The following OR7A10 variants were observed in gnomAD, a reference collection of about 807,000 sequenced individuals.
OR7A10 encodes the protein olfactory receptor 7A10.
For synonymous variants in OR7A10, 144 were observed against 144.5 expected (o/e 1.00, Z 0.02); for missense variants, 358 against 370.1 (o/e 0.97, Z 0.27).
At chr19:14,845,352 G>C (rs1481299505) in intron 1 of OR7A10, among the ~76,000 whole-genome samples, 1 of 152,000 alleles carries the variant, frequency 6.6e-6, no homozygotes, top group Non-Finnish European at 1.5e-5. Context: ...GTGGGCGCCT[G>C]TAATCCCAGC....
In OR7A10 at chr19:14,840,956, T is replaced by G; in HGVS notation, c.922A>C (p.Lys308Gln). ...KGAMKTFFRGKQ is the reference protein window; with the variant it reads ...KGAMKTFFRGQQ Reference sequence around the variant, plus strand: ...CTTGAAAAATAGCCTTTCTATTGCTTTCCTCTGAAGAATGTTTTCATAGCA... The same window carrying G: ...CTTGAAAAATAGCCTTTCTATTGCTGTCCTCTGAAGAATGTTTTCATAGCA... Residue 308 changes from lysine (K) to glutamine (Q), a missense_variant, in exon 2 of 2, where the codon AAG becomes CAG. Lys to Gln is a moderately conservative substitution (Grantham distance 53, BLOSUM62 1). Coordinates refer to ENST00000641129, the MANE Select transcript of OR7A10 (RefSeq NM_001005190.2). 1 of 1,604,256 alleles carries G rather than the reference T, an allele frequency of 6.2e-7. No homozygotes were observed.
In OR7A10 at chr19:14,841,741, A is replaced by G. The variant is rs200347289; in HGVS notation, c.137T>C (p.Ile46Thr). The G allele has an allele frequency of 6.2e-7, 1 of 1,614,136 alleles. No individual in the cohort carries two copies. Among genetic ancestry groups the G allele is most frequent in the South Asian group, 1.1e-5 (1 of 91,080 alleles). ...LVTVLGNLLI[I>T]LATISDSHLH... ...GTGGGAGTCTGAGATTGTGGCCAGGATGATGAGCAGGTTCCCGAGCACAGT... is the reference window on the plus strand; with the variant it reads ...GTGGGAGTCTGAGATTGTGGCCAGGGTGATGAGCAGGTTCCCGAGCACAGT... The change falls in exon 2 of 2, where the codon ATC becomes ACC. Residue 46 changes from isoleucine to threonine, a missense_variant. Coordinates refer to ENST00000641129, the MANE Select transcript of OR7A10 (RefSeq NM_001005190.2).
chr19:14,840,993 T>C lies in OR7A10; in HGVS notation c.885A>G (p.Lys295=), dbSNP rs1286463290. ...LNPFIYSLRN[K]HIKGAMKTFF... is the part of the protein sequence containing the mutation. The stretch of plus-strand genomic sequence containing the variant: ...ATGTTTTCATAGCACCCTTTATGTG[T>C]TTATTCCTCAGACTGTAGATGAAGG... Residue 295 remains lysine (K), a synonymous_variant, in exon 2 of 2, where the codon AAA becomes AAG. Coordinates refer to ENST00000641129, the MANE Select transcript of OR7A10 (RefSeq NM_001005190.2). 3 of 1,613,772 alleles carry C rather than the reference T, an allele frequency of 1.9e-6. No homozygotes were observed. The African/African-American group carries it at 4.0e-5, about 22-fold the overall frequency.
chr19:14,841,385 G>A lies in OR7A10; in HGVS notation c.493C>T (p.Pro165Ser). 1 of 1,614,118 alleles carries A rather than the reference G, an allele frequency of 6.2e-7. No individual in the cohort carries two copies. The highest frequency in any genetic ancestry group is 8.5e-7 in the Non-Finnish European group (1 of 1,179,998). ...NSMLQSLMVL[P>S]LPFCTHMEIP... ...TCCATGTGTGTACAAAAGGGCAGTG[G>A]CAACACCATTAAGCTTTGTAACATG... Residue 165 changes from proline to serine, a missense_variant, in exon 2 of 2, where the codon CCA becomes TCA. By Grantham distance (74) the Pro-to-Ser change is moderately conservative. Coordinates refer to ENST00000641129, the MANE Select transcript of OR7A10 (RefSeq NM_001005190.2).
chr19:14,845,586 C>T (rs1218770099), intron 1 of OR7A10, among the ~76,000 whole-genome samples: 1 of 152,116 alleles, frequency 6.6e-6, no homozygotes, highest in Non-Finnish European at 1.5e-5. Flanking sequence ...TGGGAAAAAA[C>T]TTAAGGAGCT....
At chr19:14,842,499 C>T (rs1020308297) in intron 1 of OR7A10, among the ~76,000 whole-genome samples, 1 of 152,216 alleles carries the variant, frequency 6.6e-6, no homozygotes, top group Non-Finnish European at 1.5e-5. Context: ...GATCCGCCTG[C>T]CTCAGCCTCC....
chr19:14,847,905 A>G (rs1385544102), intron 1 of OR7A10, among the ~76,000 whole-genome samples: 1 of 151,718 alleles, frequency 6.6e-6, no homozygotes, highest in Non-Finnish European at 1.5e-5. Context: ...TGGGTGGATC[A>G]CGAGGTTAAG....
intron 1 of OR7A10, among the ~76,000 whole-genome samples, chr19:14,842,494 G>C (rs192149604): frequency 2.0e-5 from 3 of 152,138 alleles, no homozygotes; most frequent in African/African-American, 7.2e-5. Flanking sequence ...CAGGTGATCC[G>C]CCTGCCTCAG....
chr19:14,840,758 T>C lies in OR7A10; in HGVS notation c.*190A>G. The C allele has an allele frequency of 2.1e-6, 1 of 480,702 alleles. No individual in the cohort carries two copies. The allele number at this position is 480,702 out of a possible 1,614,324, so 29.8% of individuals were successfully genotyped here. ...ATTGAAAATTATATTCCGTCATATTTAAGGTCATCTCTGACTCTAAGAAGA... is the reference window on the plus strand; with the variant it reads ...ATTGAAAATTATATTCCGTCATATTCAAGGTCATCTCTGACTCTAAGAAGA... On this transcript the variant is annotated 3_prime_UTR_variant, in exon 2 of 2. Coordinates refer to ENST00000641129, the MANE Select transcript of OR7A10 (RefSeq NM_001005190.2).
At position 14,841,899 on chromosome 19, in the gene OR7A10, A is replaced by AG. The variant is rs750969602; in HGVS notation, c.-12-11dup. On this transcript the variant is annotated splice_polypyrimidine_tract_variant and intron_variant, in intron 1 of 1. Coordinates refer to ENST00000641129, the MANE Select transcript of OR7A10 (RefSeq NM_001005190.2). ...TCATCTTGTGATGTGACTACCAGAGAGAGAGAGAGAGAGAGAGAGAGAGTG... is the reference window on the plus strand; with the variant it reads ...TCATCTTGTGATGTGACTACCAGAGAGGAGAGAGAGAGAGAGAGAGAGAGTG... The AG allele has an allele frequency of 4.4e-6, 6 of 1,354,732 alleles. No individual in the cohort carries two copies. In the African/African-American group the frequency reaches 8.8e-5, roughly 20 times the overall value. 83.9% of individuals were successfully genotyped at this position (1,354,732 alleles called of 1,614,324 possible). A position where few individuals can be genotyped will look rare whatever the true frequency, so the allele number is the denominator to read the frequency against.
At position 14,848,871 on chromosome 19, in the gene OR7A10, G is replaced by A. The variant is rs895464370; in HGVS notation, c.-384C>T. 2 of 152,152 alleles carry A rather than the reference G, an allele frequency of 1.3e-5. No homozygotes were observed. The highest frequency in any genetic ancestry group is 4.8e-5 in the African/African-American group (2 of 41,426). 9.4% of individuals were successfully genotyped at this position (152,152 alleles called of 1,614,324 possible). ...CATCAGATTAAACATCAGGCGAATC[G>A]AGTCGTTATTATTCCTTCTCCATGG... On this transcript the variant is annotated 5_prime_UTR_variant, in exon 1 of 2. Coordinates refer to ENST00000641129, the MANE Select transcript of OR7A10 (RefSeq NM_001005190.2).
rs1337370249 is a variant in OR7A10 at position 14,848,688 on chromosome 19, A to G, written c.-201T>C. 1 of 152,250 alleles carries G rather than the reference A, an allele frequency of 6.6e-6. No individual in the cohort carries two copies. Among genetic ancestry groups the G allele is most frequent in the South Asian group, 2.1e-4 (1 of 4,828 alleles). 9.4% of individuals were successfully genotyped at this position (152,250 alleles called of 1,614,324 possible). A position where few individuals can be genotyped will look rare whatever the true frequency, so the allele number is the denominator to read the frequency against. ...TGTCCCATCCAGCCCAAGGTTGCAT[A>G]TGCTGAGGGACACCTGCAGCGGAGA... is the stretch of plus-strand genomic sequence containing the variant. On this transcript the variant is annotated 5_prime_UTR_variant, in exon 1 of 2. Transcript: ENST00000641129.
chr19:14,843,628 T>C (rs551240928), intron 1 of OR7A10, among the ~76,000 whole-genome samples: 1 of 152,328 alleles, frequency 6.6e-6, no homozygotes, highest in South Asian at 2.1e-4. Flanking sequence ...CCCCTTGCCA[T>C]CTCTGAATTC....
At chr19:14,846,086 G>A (rs1354195227) in intron 1 of OR7A10, among the ~76,000 whole-genome samples, 2 of 152,056 alleles carry the variant, frequency 1.3e-5, no homozygotes, top group South Asian at 2.1e-4. Flanking sequence ...CCCGGGAGGC[G>A]GAGGTTGCAG....
Position 14,840,644 on chromosome 19 carries a change from C to G in OR7A10, c.*304G>C, listed in dbSNP as rs1340436430. 4 of 214,666 alleles carry G rather than the reference C, an allele frequency of 1.9e-5. No individual in the cohort carries two copies. The highest frequency in any genetic ancestry group is 2.8e-5 in the Non-Finnish European group (3 of 107,680). The allele number at this position is 214,666 out of a possible 1,614,324, so 13.3% of individuals were successfully genotyped here. A position where few individuals can be genotyped will look rare whatever the true frequency, so the allele number is the denominator to read the frequency against. On this transcript the variant is annotated 3_prime_UTR_variant, in exon 2 of 2. Coordinates refer to ENST00000641129, the MANE Select transcript of OR7A10 (RefSeq NM_001005190.2). ...TCAATCCTTCACTCAGATGAACAAA[C>G]CTAGTGACGCGTGGACACCAGGCTC...
chr19:14,842,539 T>C (rs542368510), intron 1 of OR7A10, among the ~76,000 whole-genome samples: 1 of 152,156 alleles, frequency 6.6e-6, no homozygotes, highest in South Asian at 2.1e-4. Context: ...GCATGAGCCA[T>C]GTACCTGGAC....
intron 1 of OR7A10, among the ~76,000 whole-genome samples, chr19:14,845,066 C>CAA (rs1226880842): frequency 1.7e-5 from 2 of 119,530 alleles, no homozygotes; most frequent in Non-Finnish European, 3.6e-5. Flanking sequence ...CACACACACA[C>CAA]ACAAACACAC....
chr19:14,841,900 G>T lies in OR7A10; in HGVS notation c.-12-11C>A. ...CATCTTGTGATGTGACTACCAGAGA[G>T]AGAGAGAGAGAGAGAGAGAGAGTGA... On this transcript the variant is annotated splice_polypyrimidine_tract_variant and intron_variant, in intron 1 of 1. Transcript: ENST00000641129. 1 of 1,355,324 alleles carries T rather than the reference G, an allele frequency of 7.4e-7. No individual in the cohort carries two copies. The highest frequency in any genetic ancestry group is 1.4e-5 in the South Asian group (1 of 72,494). 84.0% of individuals were successfully genotyped at this position (1,355,324 alleles called of 1,614,324 possible).
rs3829681 is a variant in OR7A10 at position 14,840,699 on chromosome 19, C to G, written c.*249G>C. On this transcript the variant is annotated 3_prime_UTR_variant, in exon 2 of 2. Coordinates refer to ENST00000641129, the MANE Select transcript of OR7A10 (RefSeq NM_001005190.2). ...ACTTCAATGAGTAGATGTACCCCAA[C>G]GAAAACAAATATTCCATAGTTATTT... 56,681 of 329,668 alleles carry G rather than the reference C, an allele frequency of 0.17. 5,742 individuals are homozygous for G. Among genetic ancestry groups the G allele is most frequent in the South Asian group, 0.26 (4,764 of 18,034 alleles). The allele number at this position is 329,668 out of a possible 1,614,324, so 20.4% of individuals were successfully genotyped here. A position where few individuals can be genotyped will look rare whatever the true frequency, so the allele number is the denominator to read the frequency against.
Sources: allele counts gnomAD v4.1 joint callset (sites outside exome capture counted in the v4.1 genomes callset), GRCh38; gene constraint gnomAD v4.1.1; transcripts MANE v1.5; gene names NCBI Gene and HGNC (gene_info 2026-07-23, HGNC 2026-07-21).